The following ATG10 variants were observed in gnomAD, a reference collection of about 807,000 sequenced individuals.
ATG10 encodes ubiquitin-like-conjugating enzyme ATG10.
Under a neutral mutation model 32.1 loss-of-function variants are expected in ATG10, and 30 were observed. The ratio of observed to expected loss-of-function variants is 0.94; its 90% CI spans 0.70 to 1.27. The LOEUF is 1.27. Ranked by LOEUF, ATG10 falls within the 50% of genes most tolerant of loss-of-function variation. ATG10 has a pLI of 0.00. For synonymous variants in ATG10, 87 were observed against 91.5 expected (o/e 0.95, Z 0.28); for missense variants, 233 against 262.3 (o/e 0.89, Z 0.77).
At chr5:82,012,994 G>A (rs551284495) in intron 2 of ATG10, among the ~76,000 whole-genome samples, 94 of 141,570 alleles carry the variant, frequency 6.6e-4, no homozygotes, top group Non-Finnish European at 1.3e-3. Context: ...ATGGAGTCTC[G>A]CCCTGTTGCC....
At chr5:82,143,777 G>T (rs1432340520) in intron 3 of ATG10, among the ~76,000 whole-genome samples, 5 of 152,084 alleles carry the variant, frequency 3.3e-5, no homozygotes, top group Non-Finnish European at 5.9e-5. Flanking sequence ...GGTGGGAGAC[G>T]GGATATTGAC....
At chr5:82,005,195 C>A (rs971106214) in intron 2 of ATG10, among the ~76,000 whole-genome samples, 1 of 152,122 alleles carries the variant, frequency 6.6e-6, no homozygotes, top group Admixed American at 6.5e-5. Context: ...GATTTTGGTA[C>A]TATTCTCTTT....
chr5:82,029,161 C>T (rs1762675465), intron 2 of ATG10, among the ~76,000 whole-genome samples: 1 of 152,034 alleles, frequency 6.6e-6, no homozygotes, highest in South Asian at 2.1e-4. Context: ...TTGTAGAGTA[C>T]AATTTAAGTT....
rs1254179873 is a variant in ATG10 at position 82,017,733 on chromosome 5, A to G, written c.108+30055A>G. ...GTCCAATATTATTATTAATGTTACC[A>G]GTGATATCTAGGCTGCTAAACTCAC... is the stretch of plus-strand genomic sequence containing the variant. On this transcript the variant is annotated intron_variant, in intron 2 of 7. Transcript: ENST00000282185. Among the ~76,000 whole-genome samples, 4 of 152,318 alleles carry G rather than the reference A, an allele frequency of 2.6e-5. 1 individual carries two copies. The highest frequency in any genetic ancestry group is 4.1e-4 in the South Asian group (2 of 4,828).
intron 3 of ATG10, among the ~76,000 whole-genome samples, chr5:82,080,126 G>A (rs139992751): frequency 0.046 from 7,011 of 152,284 alleles, 348 homozygotes; most frequent in East Asian, 0.18. Context: ...GTGATGATGA[G>A]CATTTTTTCA....
At chr5:82,145,709 T>G (rs1338128017) in intron 3 of ATG10, among the ~76,000 whole-genome samples, 2 of 151,700 alleles carry the variant, frequency 1.3e-5, no homozygotes, top group Admixed American at 1.3e-4. Context: ...AACATTATAG[T>G]CTTTTTTTTT....
intron 5 of ATG10, among the ~76,000 whole-genome samples, chr5:82,250,946 G>A (rs540937140): frequency 6.6e-6 from 1 of 152,366 alleles, no homozygotes. Flanking sequence ...TGAGCCCAGG[G>A]CCCAGTTAGG....
At chr5:82,119,194 C>G (rs902194406) in intron 3 of ATG10, among the ~76,000 whole-genome samples, 1 of 152,058 alleles carries the variant, frequency 6.6e-6, no homozygotes, top group Admixed American at 6.5e-5. Flanking sequence ...TATGAGAAGA[C>G]AAAATTTGGA....
chr5:82,051,704 A>G (rs1763431988), intron 2 of ATG10, among the ~76,000 whole-genome samples: 1 of 152,068 alleles, frequency 6.6e-6, no homozygotes, highest in Non-Finnish European at 1.5e-5. Context: ...TGTTACTGGG[A>G]TTGGGTGGAT....
At chr5:82,212,361 C>T (rs1176965381) in intron 5 of ATG10, among the ~76,000 whole-genome samples, 1 of 152,148 alleles carries the variant, frequency 6.6e-6, no homozygotes, top group African/African-American at 2.4e-5. Context: ...GAAGCAACAC[C>T]CTTTCTCTCT....
At chr5:82,223,650 A>G (rs537838111) in intron 5 of ATG10, among the ~76,000 whole-genome samples, 4 of 152,324 alleles carry the variant, frequency 2.6e-5, no homozygotes, top group African/African-American at 9.6e-5. Flanking sequence ...AGATGGGGCA[A>G]TAATGCACAG....
chr5:81,980,348 G>A (rs1345161291), intron 1 of ATG10, among the ~76,000 whole-genome samples: 2 of 152,138 alleles, frequency 1.3e-5, no homozygotes, highest in Non-Finnish European at 2.9e-5. Flanking sequence ...TTATGCAAGA[G>A]CTTCTTAAAG....
chr5:82,048,658 G>A (rs889283722), intron 2 of ATG10, among the ~76,000 whole-genome samples: 3 of 151,940 alleles, frequency 2.0e-5, no homozygotes, highest in Non-Finnish European at 4.4e-5. Flanking sequence ...ATCTGACAGA[G>A]GGCTAATATC....
intron 3 of ATG10, among the ~76,000 whole-genome samples, chr5:82,085,962 A>C (rs1007284150): frequency 6.6e-6 from 1 of 152,206 alleles, no homozygotes; most frequent in African/African-American, 2.4e-5. Context: ...ATAATGGATT[A>C]CAATAGATAA....
intron 5 of ATG10, among the ~76,000 whole-genome samples, chr5:82,244,253 A>G (rs952687683): frequency 6.6e-6 from 1 of 152,178 alleles, no homozygotes; most frequent in Non-Finnish European, 1.5e-5. Flanking sequence ...AGATTTTTGA[A>G]GGAGTAGACT....
chr5:82,169,074 T>C (rs2149907433), intron 4 of ATG10, among the ~76,000 whole-genome samples: 1 of 152,164 alleles, frequency 6.6e-6, no homozygotes, highest in South Asian at 2.1e-4. Flanking sequence ...GCCCACCATA[T>C]TTGGAGAACA....
At chr5:82,010,355 TC>T (rs1309825386) in intron 2 of ATG10, among the ~76,000 whole-genome samples, 1 of 152,202 alleles carries the variant, frequency 6.6e-6, no homozygotes, top group Non-Finnish European at 1.5e-5. Context: ...TGCTATGTTT[TC>T]CAATTGGGAT....
intron 5 of ATG10, among the ~76,000 whole-genome samples, chr5:82,196,536 A>G (rs1744857476): frequency 6.6e-6 from 1 of 152,148 alleles, no homozygotes; most frequent in Non-Finnish European, 1.5e-5. Context: ...TAGGTCTTTC[A>G]TCTATTTTAA....
chr5:82,226,744 T>C (rs905497289), intron 5 of ATG10, among the ~76,000 whole-genome samples: 2 of 152,294 alleles, frequency 1.3e-5, no homozygotes, highest in East Asian at 3.9e-4. Context: ...AATAAAGATT[T>C]TGAAGGGAGC....
Sources: gnomAD v4.1 joint callset for allele counts (sites outside exome capture counted in the v4.1 genomes callset) on GRCh38, gnomAD v4.1.1 for gene constraint, MANE v1.5 for transcripts, NCBI Gene and HGNC (gene_info 2026-07-23, HGNC 2026-07-21) for gene names.